The following PBX1 variants were observed in gnomAD, a reference collection of about 807,000 sequenced individuals.
The protein encoded by PBX1 is pre-B-cell leukemia transcription factor 1.
In PBX1, 6 loss-of-function variants were observed where a neutral mutation model predicts 53.4. That is an observed-to-expected ratio of 0.11 (90% CI 0.06 to 0.22). The LOEUF (loss-of-function observed/expected upper bound fraction) is 0.22, where lower values mean the gene tolerates loss of function less well. Ranked by LOEUF, PBX1 falls within the 10% of genes least tolerant of loss-of-function variation. PBX1 has a pLI of 1.00. For missense variants in PBX1, 251 were observed against 551.4 expected (o/e 0.46, Z 5.46); for synonymous variants, 204 against 212.3 (o/e 0.96, Z 0.34).
chr1:164,705,150 T>C (rs1447237140), intron 2 of PBX1, among the ~76,000 whole-genome samples: 1 of 152,174 alleles, frequency 6.6e-6, no homozygotes, highest in Non-Finnish European at 1.5e-5. Flanking sequence ...CTTCCACCCA[T>C]AGATGCCAGC....
intron 2 of PBX1, among the ~76,000 whole-genome samples, chr1:164,788,744 C>T (rs566922299): frequency 1.9e-4 from 25 of 128,990 alleles, no homozygotes; most frequent in Admixed American, 7.0e-4. Flanking sequence ...TTTTTCTACC[C>T]GCCGCCCTCC....
chr1:164,625,605 T>A (rs1399935947), intron 2 of PBX1, among the ~76,000 whole-genome samples: 1 of 152,094 alleles, frequency 6.6e-6, no homozygotes, highest in Non-Finnish European at 1.5e-5. Flanking sequence ...AGCGAGCCAG[T>A]GGAAAAAGCA....
chr1:164,571,873 GTATATA>G (rs59338120), intron 2 of PBX1, among the ~76,000 whole-genome samples: 1,820 of 29,882 alleles, frequency 0.061, 108 homozygotes, highest in African/African-American at 0.18. Context: ...TCTGTACATT[GTATATA>G]TATATATATA....
chr1:164,726,217 G>A (rs957493151), intron 2 of PBX1, among the ~76,000 whole-genome samples: 1 of 152,096 alleles, frequency 6.6e-6, no homozygotes, highest in Non-Finnish European at 1.5e-5. Context: ...GTCAACCCAC[G>A]GTTGCCTCCT....
intron 2 of PBX1, among the ~76,000 whole-genome samples, chr1:164,589,938 G>T (rs1571283446): frequency 6.6e-6 from 1 of 152,202 alleles, no homozygotes; most frequent in South Asian, 2.1e-4. Flanking sequence ...GCCAGGTGCG[G>T]TGGCTCATGT....
At chr1:164,647,034 G>T (rs1353788451) in intron 2 of PBX1, among the ~76,000 whole-genome samples, 3 of 152,328 alleles carry the variant, frequency 2.0e-5, no homozygotes, top group African/African-American at 7.2e-5. Flanking sequence ...AGGCTCGGGG[G>T]TCCCACCCCA....
At chr1:164,703,737 T>C (rs1571252587) in intron 2 of PBX1, among the ~76,000 whole-genome samples, 1 of 152,130 alleles carries the variant, frequency 6.6e-6, no homozygotes, top group Non-Finnish European at 1.5e-5. Flanking sequence ...TGAATCCAGG[T>C]GCATGCAGAG....
At chr1:164,739,403 TTC>T in intron 2 of PBX1, among the ~76,000 whole-genome samples, 1 of 152,264 alleles carries the variant, frequency 6.6e-6, no homozygotes, top group South Asian at 2.1e-4. Flanking sequence ...CAGGGCTTGG[TTC>T]TCTCTCACAG....
chr1:164,707,929 C>T (rs938118451), intron 2 of PBX1, among the ~76,000 whole-genome samples: 2 of 152,204 alleles, frequency 1.3e-5, no homozygotes, highest in African/African-American at 4.8e-5. Flanking sequence ...TTGGCAGAGC[C>T]CGAGAGAGCT....
chr1:164,884,532 T>C (rs1410537045), intron 2 of PBX1: 1 of 506,648 alleles, frequency 2.0e-6, no homozygotes, highest in Admixed American at 2.3e-5. Context: ...GAATTTTTCC[T>C]TCTTACCAGG....
intron 2 of PBX1, among the ~76,000 whole-genome samples, chr1:164,789,132 G>T (rs956333603): frequency 6.6e-6 from 1 of 152,116 alleles, no homozygotes; most frequent in South Asian, 2.1e-4. Flanking sequence ...TTCCATGGCG[G>T]GTAGGGGCTT....
At chr1:164,643,676 A>G (rs1254301036) in intron 2 of PBX1, among the ~76,000 whole-genome samples, 1 of 152,210 alleles carries the variant, frequency 6.6e-6, no homozygotes, top group Non-Finnish European at 1.5e-5. Flanking sequence ...CATGCTGGGC[A>G]TACTACTGAA....
chr1:164,563,291 G>T lies in PBX1; in HGVS notation c.245G>T (p.Cys82Phe). The change falls in exon 2 of 9, where the codon TGT becomes TTT. Residue 82 changes from cysteine (C) to phenylalanine (F), a missense_variant. Physicochemically the swap from Cys to Phe is radical, Grantham distance 205. Transcript: ENST00000420696. ...AAGCCTGCCTTGTTTAATGTGTTGT[G>T]TGAAATCAAAGAAAAAACAGGTAGG... ...RMKPALFNVL[C>F]EIKEKTVLSI... 6.2e-7 allele frequency: 1 copy of T among 1,609,558 alleles called. No homozygotes were observed. The highest frequency in any genetic ancestry group is 8.5e-7 in the Non-Finnish European group (1 of 1,177,288).
At chr1:164,853,891 T>C (rs112218771), downstream of PBX1, among the ~76,000 whole-genome samples, 2,913 of 152,062 alleles carry the variant, frequency 0.019, 106 homozygotes, top group African/African-American at 0.064. Flanking sequence ...TCCTTATAGA[T>C]TAGACTTCCA....
chr1:164,823,684 T>C (rs1295260944), intron 8 of PBX1, among the ~76,000 whole-genome samples: 1 of 151,684 alleles, frequency 6.6e-6, no homozygotes, highest in Non-Finnish European at 1.5e-5. Flanking sequence ...TCTGAAATAG[T>C]GTAACCAAAC....
chr1:164,821,626 T>G lies in PBX1; in HGVS notation c.1200T>G (p.Ser400Arg), dbSNP rs1332683363. The G allele has an allele frequency of 6.2e-7, 1 of 1,612,734 alleles. No homozygotes were observed. The highest frequency in any genetic ancestry group is 1.7e-5 in the Admixed American group (1 of 60,004). ...AGATGTACAGTCCGCAGGGCATCAG[T>G]GTAAGAAAACAAGCCCCCCCACCCC... ...ASQMYSPQGI[S>R]ANGGWQDATT... The change falls in exon 8 of 9, where the codon AGT becomes AGG. Residue 400 changes from serine (S) to arginine (R), a missense_variant and splice_region_variant. Around this residue, in one of 4 missense-constraint regions of PBX1, gnomAD observed 92 missense variants for 130.4 expected, o/e 0.71. Transcript: ENST00000420696.
At chr1:164,603,637 T>C (rs937916522) in intron 2 of PBX1, among the ~76,000 whole-genome samples, 3 of 152,206 alleles carry the variant, frequency 2.0e-5, no homozygotes, top group African/African-American at 7.2e-5. Flanking sequence ...GATAACAGAC[T>C]TTTCAGTTTG....
intron 2 of PBX1, among the ~76,000 whole-genome samples, chr1:164,644,316 A>G (rs1482542444): frequency 6.6e-6 from 1 of 152,162 alleles, no homozygotes; most frequent in Admixed American, 6.5e-5. Context: ...TTACCTATCT[A>G]GTCTATATCC....
At position 164,849,217 on chromosome 1, in the gene PBX1, A is replaced by G. The variant is rs1328061248; in HGVS notation, c.*2541A>G. On this transcript the variant is annotated 3_prime_UTR_variant, in exon 9 of 9. Transcript: ENST00000420696. ...AATAATTGCCATGTTAAGTTAATGC[A>G]AAAGATCAGAACAGGGCTACATTTG... The G allele has an allele frequency of 6.9e-7, 1 of 1,457,116 alleles. No individual in the cohort carries two copies. Among genetic ancestry groups the G allele is most frequent in the Non-Finnish European group, 9.1e-7 (1 of 1,103,060 alleles). 90.3% of individuals were successfully genotyped at this position (1,457,116 alleles called of 1,614,324 possible).
Sources: gnomAD v4.1 joint callset for allele counts (sites outside exome capture counted in the v4.1 genomes callset) on GRCh38, gnomAD v4.1.1 for gene constraint, gnomAD v4.1.1 regional missense constraint, MANE v1.5 for transcripts, NCBI Gene and HGNC (gene_info 2026-07-23, HGNC 2026-07-21) for gene names.